PIGK: variants seen among roughly 807,000 people sequenced by gnomAD.
The protein encoded by PIGK is phosphatidylinositol glycan anchor biosynthesis class K.
A neutral mutation model predicts 50.6 loss-of-function variants in PIGK; 42 were observed. That is an observed-to-expected ratio of 0.83 (90% CI 0.65 to 1.07). The LOEUF is 1.07. PIGK is among the 50% of genes least tolerant of loss of function. The pLI is 0.00. For synonymous variants in PIGK, 151 were observed against 156.0 expected (o/e 0.97, Z 0.24); for missense variants, 448 against 488.7 (o/e 0.92, Z 0.78).
chr1:77,195,528 G>C (rs1656013965), intron 3 of PIGK: 1 of 497,460 alleles, frequency 2.0e-6, no homozygotes, highest in African/African-American at 1.9e-5. Context: ...CAAGAATAAG[G>C]CCTTACAGAG....
At chr1:77,188,282 T>A (rs1655799064) in intron 3 of PIGK, among the ~76,000 whole-genome samples, 1 of 152,078 alleles carries the variant, frequency 6.6e-6, no homozygotes, top group Non-Finnish European at 1.5e-5. Flanking sequence ...GCATGGAACA[T>A]CCCTGAGAAA....
intron 3 of PIGK, among the ~76,000 whole-genome samples, chr1:77,189,351 T>C (rs922190534): frequency 9.2e-5 from 14 of 152,164 alleles, no homozygotes; most frequent in Admixed American, 3.3e-4. Flanking sequence ...CTTGATTGCA[T>C]TGAAAGATGC....
intron 9 of PIGK, among the ~76,000 whole-genome samples, chr1:77,152,072 T>C (rs1289483386): frequency 2.0e-5 from 3 of 152,142 alleles, no homozygotes; most frequent in Admixed American, 6.6e-5. Context: ...AGAACAAAGC[T>C]GGACGCATCA....
chr1:77,195,262 C>A, intron 3 of PIGK: 4 of 1,312,400 alleles, frequency 3.0e-6, no homozygotes, highest in Non-Finnish European at 4.4e-6. Context: ...GACCTTGGGG[C>A]CCAGGGTGGC....
chr1:77,161,511 T>C, intron 7 of PIGK, 83 bp downstream of exon 7: 1 of 943,822 alleles, frequency 1.1e-6, no homozygotes, highest in Non-Finnish European at 1.8e-6. Flanking sequence ...AAAGAACAGA[T>C]ACATTCATAA....
At chr1:77,105,360 G>A (rs1265080641) in intron 10 of PIGK, among the ~76,000 whole-genome samples, 1 of 152,014 alleles carries the variant, frequency 6.6e-6, no homozygotes, top group African/African-American at 2.4e-5. Flanking sequence ...AACCAATTGG[G>A]AGAGAGTGGG....
At chr1:77,144,931 G>T (rs1402427902) in intron 9 of PIGK, among the ~76,000 whole-genome samples, 3 of 151,814 alleles carry the variant, frequency 2.0e-5, no homozygotes, top group Non-Finnish European at 4.4e-5. Context: ...AAAATAAAAT[G>T]CTGAGATAAT....
At chr1:77,146,136 T>A (rs749662158) in intron 9 of PIGK, among the ~76,000 whole-genome samples, 1 of 151,854 alleles carries the variant, frequency 6.6e-6, no homozygotes, top group Non-Finnish European at 1.5e-5. Context: ...TGGATGTCCA[T>A]ATGGAAAAAA....
intron 10 of PIGK, among the ~76,000 whole-genome samples, chr1:77,113,718 A>G (rs1016775373): frequency 7.9e-5 from 12 of 152,286 alleles, no homozygotes; most frequent in African/African-American, 2.9e-4. Flanking sequence ...CAGATAGTTC[A>G]AAAATGCCTA....
rs181009219 is a variant in PIGK, at chr1:77,202,725, A to G, written c.239+3915T>C. ...AAAAAAAACAGTGTTAGATGGACTCAGAAAAGCTATTGGATTTTATAGAAA... is the reference window on the plus strand; with the variant it reads ...AAAAAAAACAGTGTTAGATGGACTCGGAAAAGCTATTGGATTTTATAGAAA... On this transcript the variant is annotated intron_variant, in intron 3 of 10. Transcript: ENST00000370812. Among the ~76,000 whole-genome samples, 158 of 152,372 alleles carry G rather than the reference A, an allele frequency of 1.0e-3. 1 individual carries two copies. The highest frequency in any genetic ancestry group is 3.6e-3 in the African/African-American group (149 of 41,594).
intron 3 of PIGK, among the ~76,000 whole-genome samples, chr1:77,191,955 C>T (rs934204598): frequency 3.9e-5 from 6 of 152,170 alleles, no homozygotes; most frequent in Admixed American, 3.9e-4. Context: ...ATATAAAACT[C>T]TGTGGAATAT....
intron 3 of PIGK, among the ~76,000 whole-genome samples, chr1:77,190,792 G>A (rs1267696179): frequency 1.3e-5 from 2 of 152,134 alleles, no homozygotes; most frequent in African/African-American, 4.8e-5. Context: ...TCCTGCTGCT[G>A]GTTCTTAGCC....
chr1:77,204,245 T>C (rs12119019), intron 3 of PIGK, among the ~76,000 whole-genome samples: 35,420 of 152,092 alleles, frequency 0.23, 5,104 homozygotes, highest in Non-Finnish European at 0.32. Context: ...TCTTATACGG[T>C]TGCAGATAAG....
At chr1:77,195,795 T>A (rs2100579216) in intron 3 of PIGK, among the ~76,000 whole-genome samples, 1 of 152,076 alleles carries the variant, frequency 6.6e-6, no homozygotes, top group Admixed American at 6.5e-5. Flanking sequence ...TCTAGATATT[T>A]ATATATCTAT....
chr1:77,137,041 C>T (rs960848938), intron 9 of PIGK, among the ~76,000 whole-genome samples: 2 of 152,200 alleles, frequency 1.3e-5, no homozygotes, highest in Admixed American at 1.3e-4. Context: ...GCTTTTCCAG[C>T]CCTTGAATTT....
intron 6 of PIGK, among the ~76,000 whole-genome samples, chr1:77,163,455 A>AT (rs143343926): frequency 0.012 from 1,791 of 151,862 alleles, 30 homozygotes; most frequent in African/African-American, 0.041. Context: ...AATTTCAGCG[A>AT]TTTTTTTTTC....
chr1:77,115,189 A>G (rs2055480), intron 10 of PIGK, among the ~76,000 whole-genome samples: 1,659 of 152,312 alleles, frequency 0.011, 26 homozygotes, highest in African/African-American at 0.038. Context: ...ACCACAATCC[A>G]TGTCATATAA....
intron 10 of PIGK, among the ~76,000 whole-genome samples, chr1:77,099,895 G>C (rs1421992983): frequency 6.6e-6 from 1 of 152,004 alleles, no homozygotes; most frequent in Admixed American, 6.6e-5. Context: ...CAATACAAAG[G>C]TGAAAAGCGT....
chr1:77,125,369 C>G (rs1411427360), intron 9 of PIGK, among the ~76,000 whole-genome samples: 2 of 152,260 alleles, frequency 1.3e-5, no homozygotes, highest in Admixed American at 1.3e-4. Flanking sequence ...TGAAATGTTT[C>G]TTAATAACAG....
Sources: gnomAD v4.1 joint callset for allele counts (sites outside exome capture counted in the v4.1 genomes callset) on GRCh38, gnomAD v4.1.1 for gene constraint, MANE v1.5 for transcripts, NCBI Gene and HGNC (gene_info 2026-07-23, HGNC 2026-07-21) for gene names.